Variants in CCDC158 observed in about 807,000 individuals in gnomAD.
CCDC158 encodes coiled-coil domain-containing protein 158.
Under a neutral mutation model 138.6 loss-of-function variants are expected in CCDC158, and 116 were observed. The ratio of observed to expected loss-of-function variants is 0.84; its 90% CI spans 0.72 to 0.98. The LOEUF (loss-of-function observed/expected upper bound fraction) is 0.98. Among genes scored for constraint, CCDC158 ranks in the 50% least tolerant of loss-of-function variants. CCDC158 has a pLI of 0.00. For missense variants in CCDC158, 1,265 were observed against 1,306.1 expected, an observed-to-expected ratio of 0.97 and a Z score of 0.48; for synonymous variants, 436 against 442.4, an observed-to-expected ratio of 0.99 and a Z score of 0.18.
intron 18 of CCDC158, among the ~76,000 whole-genome samples, chr4:76,347,864 G>A (rs965251600): frequency 2.0e-5 from 3 of 151,148 alleles, no homozygotes; most frequent in Admixed American, 6.6e-5. Flanking sequence ...ACACAGGCTC[G>A]GAGGGGATTC....
At chr4:76,369,280 T>G in intron 11 of CCDC158, 146 bp downstream of exon 11, 2 of 542,508 alleles carry the variant, frequency 3.7e-6, no homozygotes, top group Non-Finnish European at 6.0e-6. Flanking sequence ...CAGGTTTTCA[T>G]AAATTGCTCA....
At chr4:76,417,633 CCAG>C (rs2109933639) in intron 1 of CCDC158, among the ~76,000 whole-genome samples, 1 of 152,238 alleles carries the variant, frequency 6.6e-6, no homozygotes, top group South Asian at 2.1e-4. Context: ...TGAGGCCTTC[CCAG>C]CCATGTGGAA....
intron 3 of CCDC158, among the ~76,000 whole-genome samples, chr4:76,399,541 T>C (rs1050397296): frequency 2.6e-5 from 4 of 152,176 alleles, no homozygotes; most frequent in Admixed American, 6.5e-5. Flanking sequence ...TCTGGCTACA[T>C]TGGCCAGAGT....
chr4:76,407,576 A>G (rs1025549404), intron 2 of CCDC158, among the ~76,000 whole-genome samples: 13 of 152,198 alleles, frequency 8.5e-5, no homozygotes, highest in Admixed American at 2.6e-4. Context: ...ATACACTAAC[A>G]TGATACATTT....
At chr4:76,400,501 T>C (rs1306213037) in intron 3 of CCDC158, among the ~76,000 whole-genome samples, 1 of 151,704 alleles carries the variant, frequency 6.6e-6, no homozygotes, top group Non-Finnish European at 1.5e-5. Context: ...CATGTATACA[T>C]ATGTAACAAA....
chr4:76,345,432 C>A, intron 18 of CCDC158: 1 of 934,998 alleles, frequency 1.1e-6, no homozygotes, highest in Non-Finnish European at 1.8e-6. Context: ...ATTTGAACAG[C>A]TTTCCAAATC....
chr4:76,404,571 A>G (rs77123379), intron 2 of CCDC158, among the ~76,000 whole-genome samples: 1,818 of 152,318 alleles, frequency 0.012, 35 homozygotes, highest in African/African-American at 0.042. Context: ...AGAGTTGATT[A>G]AAGTTAGGAA....
chr4:76,344,870 G>A, intron 18 of CCDC158: 1 of 1,574,308 alleles, frequency 6.4e-7, no homozygotes, highest in Non-Finnish European at 8.7e-7. Context: ...TTGCCAAGAT[G>A]AAACAAGAAC....
chr4:76,329,407 A>T (rs558935225), intron 21 of CCDC158, among the ~76,000 whole-genome samples: 3 of 152,020 alleles, frequency 2.0e-5, no homozygotes, highest in Non-Finnish European at 2.9e-5. Flanking sequence ...ACATGGTGAA[A>T]CCCCGTCTCT....
At chr4:76,354,100 G>A (rs2110182926) in intron 15 of CCDC158, among the ~76,000 whole-genome samples, 1 of 152,096 alleles carries the variant, frequency 6.6e-6, no homozygotes, top group South Asian at 2.1e-4. Context: ...TTTTTGTTTG[G>A]AGGGAATATC....
chr4:76,317,361 G>C (rs893877484), intron 24 of CCDC158, among the ~76,000 whole-genome samples: 1 of 152,060 alleles, frequency 6.6e-6, no homozygotes, highest in Non-Finnish European at 1.5e-5. Context: ...CCACTTTAAA[G>C]CAACAACAGT....
chr4:76,411,584 A>C (rs1729300847), intron 2 of CCDC158, among the ~76,000 whole-genome samples: 2 of 152,218 alleles, frequency 1.3e-5, no homozygotes, highest in Non-Finnish European at 2.9e-5. Context: ...ATAATGTAAT[A>C]CGGAATTAAG....
At chr4:76,385,044 C>T (rs904999543) in intron 4 of CCDC158, among the ~76,000 whole-genome samples, 1 of 152,150 alleles carries the variant, frequency 6.6e-6, no homozygotes, top group East Asian at 1.9e-4. Context: ...GCAGCAAACA[C>T]CACCATCCAA....
At chr4:76,345,547 ACTCC>A in intron 18 of CCDC158, 1 of 1,016,886 alleles carries the variant, frequency 9.8e-7, no homozygotes, top group Non-Finnish European at 1.6e-6. Flanking sequence ...AGGAACAATG[ACTCC>A]CTTTTGCAGA....
intron 24 of CCDC158, among the ~76,000 whole-genome samples, chr4:76,319,432 C>CAAAAA (rs71659321): frequency 4.2e-5 from 1 of 23,946 alleles, no homozygotes. Context: ...GACTCCGTAT[C>CAAAAA]AAAAAAAAAA....
chr4:76,421,624 C>T (rs1396848640), upstream of CCDC158: 1 of 152,208 alleles, frequency 6.6e-6, no homozygotes, highest in Non-Finnish European at 1.5e-5. Flanking sequence ...CAAGCCCAAT[C>T]TGGAGTTGCC....
intron 24 of CCDC158, among the ~76,000 whole-genome samples, chr4:76,317,141 C>T (rs1719476193): frequency 6.6e-6 from 1 of 151,490 alleles, no homozygotes. Context: ...TCAATACTAA[C>T]ATTGAATGTA....
At chr4:76,319,025 C>T (rs1439491598) in intron 24 of CCDC158, among the ~76,000 whole-genome samples, 1 of 152,110 alleles carries the variant, frequency 6.6e-6, no homozygotes, top group Non-Finnish European at 1.5e-5. Context: ...GTAATCCCAG[C>T]ACTTTAGGAG....
intron 18 of CCDC158, among the ~76,000 whole-genome samples, chr4:76,340,000 A>G (rs1721902279): frequency 6.6e-6 from 1 of 152,200 alleles, no homozygotes; most frequent in African/African-American, 2.4e-5. Context: ...GCCGCTCCAG[A>G]GATTTCTTTT....
Sources: allele counts gnomAD v4.1 joint callset (sites outside exome capture counted in the v4.1 genomes callset), GRCh38; gene constraint gnomAD v4.1.1; transcripts MANE v1.5; gene names NCBI Gene and HGNC (gene_info 2026-07-23, HGNC 2026-07-21).